Variants in KIAA0513 observed in about 807,000 individuals in gnomAD.
KIAA0513 encodes the protein uncharacterized protein KIAA0513.
A neutral mutation model predicts 56.5 loss-of-function variants in KIAA0513; 39 were observed. The ratio of observed to expected loss-of-function variants is 0.69; its 90% confidence interval spans 0.53 to 0.90. KIAA0513 has a LOEUF of 0.90. Among genes scored for constraint, KIAA0513 ranks in the 40% least tolerant of loss-of-function variants. The pLI is 0.00. For missense variants in KIAA0513, 591 were observed against 535.2 expected, an observed-to-expected ratio of 1.10 and a Z score of -1.03; for synonymous variants, 268 against 215.6, an observed-to-expected ratio of 1.24 and a Z score of -2.13.
chr16:85,078,164 C>T (rs1402622103), intron 6 of KIAA0513, among the ~76,000 whole-genome samples: 1 of 152,150 alleles, frequency 6.6e-6, no homozygotes, highest in Non-Finnish European at 1.5e-5. Context: ...CAGCCGGGTG[C>T]CTTGGCCTCC....
intron 1 of KIAA0513, among the ~76,000 whole-genome samples, chr16:85,031,669 C>T (rs977459623): frequency 2.0e-5 from 3 of 152,150 alleles, no homozygotes; most frequent in Non-Finnish European, 2.9e-5. Flanking sequence ...GCCAAGATGA[C>T]TCTGCCTCAG....
rs144794604 is a variant in KIAA0513 at position 85,055,140 on chromosome 16, C to G, written c.-172-11760C>G. The stretch of plus-strand genomic sequence containing the variant: ...AGTCTCACTGTGTGCCCAGGCTGGT[C>G]TCAAACTCCTGGACTGAAGTGAGCC... On this transcript the variant is annotated intron_variant, in intron 1 of 12. Transcript: ENST00000683363. Among the ~76,000 whole-genome samples, 262 of 152,140 alleles carry G rather than the reference C, an allele frequency of 1.7e-3. 1 individual carries two copies. The highest frequency in any genetic ancestry group is 5.6e-3 in the African/African-American group (231 of 41,522).
rs1353026182 is a variant in KIAA0513 at position 85,081,877 on chromosome 16, C to T, written c.980+485C>T. Among the ~76,000 whole-genome samples the T allele has an allele frequency of 2.0e-5, 3 of 152,230 alleles. No homozygotes were observed. Among genetic ancestry groups the T allele is most frequent in the African/African-American group, 7.2e-5 (3 of 41,466 alleles). On this transcript the variant is annotated intron_variant, in intron 9 of 12. Coordinates refer to ENST00000683363, the MANE Select transcript of KIAA0513 (RefSeq NM_001388359.1). The surrounding 1 kb of genome is among the most constrained non-coding windows in gnomAD (Gnocchi z 4.4). The stretch of plus-strand genomic sequence containing the variant: ...CCTTCCCAGCTTCACCGAGGGCCAC[C>T]TCGCACGTGGCAGAGGGGAGGGGCT...
chr16:85,048,423 G>GC (rs2073201435), intron 1 of KIAA0513, among the ~76,000 whole-genome samples: 1 of 152,210 alleles, frequency 6.6e-6, no homozygotes, highest in African/African-American at 2.4e-5. Context: ...TCACCCATGT[G>GC]CAGAGCCTCA....
rs2073884390 is a variant in KIAA0513 at position 85,092,921 on chromosome 16, C to T, written c.*4596C>T. ...ATGGAAGAAGCACATCAAGACTGTT[C>T]TCCTGCGGCCAACACTGGCCCGGAA... On this transcript the variant is annotated 3_prime_UTR_variant, in exon 13 of 13. Coordinates refer to ENST00000683363, the MANE Select transcript of KIAA0513 (RefSeq NM_001388359.1). 6.6e-6 allele frequency: 1 copy of T among 152,286 alleles called. No individual in the cohort carries two copies. Among genetic ancestry groups the T allele is most frequent in the Non-Finnish European group, 1.5e-5 (1 of 68,088 alleles). 9.4% of individuals were successfully genotyped at this position (152,286 alleles called of 1,614,324 possible). A position where few individuals can be genotyped will look rare whatever the true frequency, so the allele number is the denominator to read the frequency against.
chr16:85,046,981 T>C (rs1038655419), intron 1 of KIAA0513, among the ~76,000 whole-genome samples: 2 of 152,212 alleles, frequency 1.3e-5, no homozygotes, highest in African/African-American at 4.8e-5. Context: ...TTCACCTTCT[T>C]TGTATGCTGA....
chr16:85,077,289 C>A (rs899959097), intron 5 of KIAA0513, 136 bp from the exon 6 acceptor site: 12 of 770,742 alleles, frequency 1.6e-5, no homozygotes, highest in Non-Finnish European at 2.3e-5. Context: ...TGCACCACCC[C>A]CTGTCCTCGG....
At chr16:85,038,346 G>T (rs1007734931) in intron 1 of KIAA0513, among the ~76,000 whole-genome samples, 6 of 152,152 alleles carry the variant, frequency 3.9e-5, no homozygotes, top group Non-Finnish European at 8.8e-5. Context: ...AATGCAAGAC[G>T]CACCACGTGT....
chr16:85,068,652 A>G (rs1039503678), intron 2 of KIAA0513, among the ~76,000 whole-genome samples: 41 of 152,190 alleles, frequency 2.7e-4, no homozygotes, highest in African/African-American at 8.7e-4. Flanking sequence ...TTTTTAGTAG[A>G]GATGAGGTTT....
intron 1 of KIAA0513, among the ~76,000 whole-genome samples, chr16:85,047,905 A>C (rs1166089526): frequency 2.6e-5 from 4 of 152,184 alleles, no homozygotes; most frequent in African/African-American, 9.7e-5. Context: ...GCTACTGGTC[A>C]ATTCTCAGAG....
At chr16:85,057,976 T>C (rs2143960604) in intron 1 of KIAA0513, among the ~76,000 whole-genome samples, 2 of 152,084 alleles carry the variant, frequency 1.3e-5, no homozygotes, top group East Asian at 3.9e-4. Context: ...CCCACAGGAG[T>C]AGCCCCTACA....
At chr16:85,060,758 C>T (rs1258494671) in intron 1 of KIAA0513, among the ~76,000 whole-genome samples, 1 of 151,442 alleles carries the variant, frequency 6.6e-6, no homozygotes, top group Admixed American at 6.6e-5. Flanking sequence ...ACAGGAGGAT[C>T]ACTTGAGCAC....
In KIAA0513 at chr16:85,066,933, C is replaced by G. The variant is rs1369255970; in HGVS notation, c.-139C>G. On this transcript the variant is annotated 5_prime_UTR_variant, in exon 2 of 13. Transcript: ENST00000683363. ...GGGCCAGGTGAGCTGCTGTGAAGGA[C>G]TCATTCTTGGTAGCCGGCAGTTACT... The G allele has an allele frequency of 1.6e-6, 1 of 639,796 alleles. No homozygotes were observed. Among genetic ancestry groups the G allele is most frequent in the Admixed American group, 3.1e-5 (1 of 32,278 alleles). The allele number at this position is 639,796 out of a possible 1,614,324, so 39.6% of individuals were successfully genotyped here.
At chr16:85,080,865 A>G (rs189963598) in intron 8 of KIAA0513, among the ~76,000 whole-genome samples, 2 of 152,256 alleles carry the variant, frequency 1.3e-5, no homozygotes, top group African/African-American at 2.4e-5. Flanking sequence ...TAGTTCGCTC[A>G]GCACACGAGG....
At position 85,035,926 on chromosome 16, in the gene KIAA0513, C is replaced by T. The variant is rs182691151; in HGVS notation, c.-173+8068C>T. 1.3e-3 allele frequency among the ~76,000 whole-genome samples: 198 copies of T among 151,106 alleles called. 1 individual carries two copies. The Middle Eastern group carries it at 0.017, about 13-fold the overall frequency. On this transcript the variant is annotated intron_variant, in intron 1 of 12. Transcript: ENST00000683363. ...CCTGGGAGGCAGAGCTTGCAGTGAG[C>T]CGAGATCGTGCCACTGCACTCCAGC...
chr16:85,051,980 A>C (rs2073258929), intron 1 of KIAA0513, among the ~76,000 whole-genome samples: 1 of 151,814 alleles, frequency 6.6e-6, no homozygotes, highest in South Asian at 2.1e-4. Flanking sequence ...TAAGTCTTAC[A>C]AGCACTTATT....
At chr16:85,078,561 G>A in intron 7 of KIAA0513, 106 bp downstream of exon 7, 1 of 1,095,530 alleles carries the variant, frequency 9.1e-7, no homozygotes, top group South Asian at 1.3e-5. Context: ...ACGGAGCATG[G>A]GCACCTTGCC....
At chr16:85,055,256 G>A (rs974041765) in intron 1 of KIAA0513, among the ~76,000 whole-genome samples, 1 of 151,836 alleles carries the variant, frequency 6.6e-6, no homozygotes, top group African/African-American at 2.4e-5. Context: ...TTGTTTGATT[G>A]CTTAAAAATA....
chr16:85,046,671 G>A (rs1470367750), intron 1 of KIAA0513, among the ~76,000 whole-genome samples: 2 of 152,194 alleles, frequency 1.3e-5, no homozygotes, highest in Non-Finnish European at 2.9e-5. Context: ...GCAGCCCAGG[G>A]TTCTCTCCGT....
Sources: allele counts gnomAD v4.1 joint callset (sites outside exome capture counted in the v4.1 genomes callset), GRCh38; gene constraint gnomAD v4.1.1; non-coding constraint Gnocchi (gnomAD v3.1); transcripts MANE v1.5; gene names NCBI Gene and HGNC (gene_info 2026-07-23, HGNC 2026-07-21).